Variants in RASGRF2 observed in about 807,000 individuals in gnomAD.
The protein encoded by RASGRF2 is Ras protein specific guanine nucleotide releasing factor 2.
RASGRF2 carries 76 observed loss-of-function variants against 151.0 expected under a neutral mutation model. The ratio of observed to expected loss-of-function variants is 0.50; its 90% CI spans 0.42 to 0.61. RASGRF2 has a LOEUF of 0.61. RASGRF2 is among the 20% of genes least tolerant of loss of function. RASGRF2 has a pLI of 0.00. For missense variants in RASGRF2, 1,148 were observed against 1,564.6 expected (o/e 0.73, Z 4.49); for synonymous variants, 504 against 566.5 (o/e 0.89, Z 1.57).
intron 18 of RASGRF2, among the ~76,000 whole-genome samples, chr5:81,198,601 A>T (rs905268349): frequency 1.3e-5 from 2 of 151,964 alleles, no homozygotes; most frequent in African/African-American, 4.8e-5. Context: ...CACCATACCC[A>T]GCAAATTTTT....
chr5:81,152,301 C>G (rs1429904393), intron 17 of RASGRF2, among the ~76,000 whole-genome samples: 1 of 152,114 alleles, frequency 6.6e-6, no homozygotes, highest in Admixed American at 6.5e-5. Context: ...TGCACCTGGC[C>G]GAGATATTTT....
At position 81,056,839 on chromosome 5, in the gene RASGRF2, T is replaced by C. The variant is rs1751233009; in HGVS notation, c.396-11193T>C. On this transcript the variant is annotated intron_variant, in intron 2 of 26. Transcript: ENST00000265080. ...GTATTGGGTGCCTATATATTTAGGATAGTTAGCTCTTCTTGTTGAATTGAT... is the reference window on the plus strand; with the variant it reads ...GTATTGGGTGCCTATATATTTAGGACAGTTAGCTCTTCTTGTTGAATTGAT... Among the ~76,000 whole-genome samples the C allele has an allele frequency of 2.6e-5, 4 of 152,236 alleles. No individual in the cohort carries two copies. In the South Asian group the frequency reaches 8.3e-4, roughly 32 times the overall value.
At chr5:81,055,331 C>G (rs1224055146) in intron 2 of RASGRF2, among the ~76,000 whole-genome samples, 2 of 152,110 alleles carry the variant, frequency 1.3e-5, no homozygotes, top group Non-Finnish European at 2.9e-5. Flanking sequence ...GAGTTTTTAG[C>G]ATGAAGGGCT....
chr5:81,062,033 A>G (rs1249177779), intron 2 of RASGRF2, among the ~76,000 whole-genome samples: 1 of 148,956 alleles, frequency 6.7e-6, no homozygotes, highest in Non-Finnish European at 1.5e-5. Context: ...AACTGTAGAG[A>G]TGAGATCTTA....
At chr5:81,108,916 T>G in intron 12 of RASGRF2, 80 bp from the exon 13 acceptor site, 2 of 1,488,282 alleles carry the variant, frequency 1.3e-6, no homozygotes, top group Non-Finnish European at 1.8e-6. Flanking sequence ...ATGGATTCTT[T>G]TAGCTATAAA....
At chr5:81,122,547 G>A (rs542967474) in intron 15 of RASGRF2, among the ~76,000 whole-genome samples, 3 of 152,286 alleles carry the variant, frequency 2.0e-5, no homozygotes, top group South Asian at 4.1e-4. Context: ...TATAAAAATG[G>A]CCTTAGATGA....
At chr5:81,028,743 G>C (rs959524144) in intron 1 of RASGRF2, among the ~76,000 whole-genome samples, 2 of 152,224 alleles carry the variant, frequency 1.3e-5, no homozygotes, top group Non-Finnish European at 2.9e-5. Context: ...GAGCGACGCA[G>C]AAGACAGGTG....
intron 12 of RASGRF2, among the ~76,000 whole-genome samples, chr5:81,105,259 T>G (rs889801168): frequency 1.3e-5 from 2 of 152,146 alleles, no homozygotes; most frequent in African/African-American, 4.8e-5. Context: ...TTCCTGGATT[T>G]TCAGACCCAA....
intron 18 of RASGRF2, among the ~76,000 whole-genome samples, chr5:81,193,835 CAA>C (rs1755203001): frequency 6.6e-6 from 1 of 152,174 alleles, no homozygotes. Context: ...TGCTTTATCT[CAA>C]GAGGTTGAGT....
intron 11 of RASGRF2, 30 bp downstream of exon 11, chr5:81,094,392 A>G (rs1199938938): frequency 6.3e-7 from 1 of 1,589,044 alleles, no homozygotes; most frequent in Non-Finnish European, 8.6e-7. Context: ...TTAGGATTCT[A>G]TTAGAATTAG....
chr5:81,126,148 G>A (rs1464787652), intron 16 of RASGRF2, among the ~76,000 whole-genome samples: 1 of 152,246 alleles, frequency 6.6e-6, no homozygotes, highest in Non-Finnish European at 1.5e-5. Context: ...TTCACTAAAA[G>A]CCTGAGCGAG....
At chr5:80,999,519 A>G (rs519871) in intron 1 of RASGRF2, among the ~76,000 whole-genome samples, 48,816 of 151,456 alleles carry the variant, frequency 0.32, 8,277 homozygotes, top group South Asian at 0.47. Context: ...ATTTATTTTT[A>G]TTTATTTATT....
intron 5 of RASGRF2, among the ~76,000 whole-genome samples, chr5:81,078,082 T>C (rs1751988163): frequency 6.6e-6 from 1 of 152,196 alleles, no homozygotes; most frequent in South Asian, 2.1e-4. Context: ...TTTTTATGGA[T>C]ACATTTTATG....
rs561143782 is a variant in RASGRF2, at chr5:81,052,303, G to A, written c.395+9320G>A. Among the ~76,000 whole-genome samples the A allele has an allele frequency of 1.6e-4, 24 of 152,216 alleles. No individual in the cohort carries two copies. The South Asian group carries it at 5.0e-3, about 32-fold the overall frequency. On this transcript the variant is annotated intron_variant, in intron 2 of 26. Transcript: ENST00000265080. ...AGGTAATAATTTTACCATTAGTGATGTTCTGTTGTATTTCCTAGTAAAAAT... is the reference window on the plus strand; with the variant it reads ...AGGTAATAATTTTACCATTAGTGATATTCTGTTGTATTTCCTAGTAAAAAT...
intron 1 of RASGRF2, chr5:80,997,867 G>C (rs1748937957): frequency 6.6e-6 from 1 of 151,980 alleles, no homozygotes; most frequent in Admixed American, 6.6e-5. Flanking sequence ...TGCTCGGAAG[G>C]CTGAGGCAAG....
At chr5:80,992,181 G>GGTACACACACACACAC in intron 1 of RASGRF2, among the ~76,000 whole-genome samples, 2 of 17,190 alleles carry the variant, frequency 1.2e-4, no homozygotes, top group Admixed American at 4.1e-4. Context: ...TGCACACACA[G>GGTACACACACACACAC]ATACACACAC....
At chr5:81,211,494 C>T (rs1461205132) in intron 22 of RASGRF2, among the ~76,000 whole-genome samples, 2 of 152,182 alleles carry the variant, frequency 1.3e-5, no homozygotes, top group African/African-American at 2.4e-5. Flanking sequence ...AACTGGATTC[C>T]AAATAATTCC....
At chr5:81,153,576 A>G (rs928917420) in intron 17 of RASGRF2, among the ~76,000 whole-genome samples, 1 of 152,154 alleles carries the variant, frequency 6.6e-6, no homozygotes, top group African/African-American at 2.4e-5. Context: ...CAAACTTTTG[A>G]CCCCTGGAAC....
At chr5:81,029,488 G>A (rs919602775) in intron 1 of RASGRF2, among the ~76,000 whole-genome samples, 2 of 152,296 alleles carry the variant, frequency 1.3e-5, no homozygotes, top group Admixed American at 1.3e-4. Flanking sequence ...TTACCGTTCT[G>A]CAATATTTGC....
Sources: allele counts gnomAD v4.1 joint callset (sites outside exome capture counted in the v4.1 genomes callset), GRCh38; gene constraint gnomAD v4.1.1; transcripts MANE v1.5; gene names NCBI Gene and HGNC (gene_info 2026-07-23, HGNC 2026-07-21).